The following SNX3 variants were observed in gnomAD, a reference collection of about 807,000 sequenced individuals.
SNX3 encodes the protein sorting nexin-3.
Under a neutral mutation model 17.7 loss-of-function variants are expected in SNX3, and 5 were observed. That is an observed-to-expected ratio of 0.28 (90% confidence interval 0.15 to 0.59). The LOEUF (loss-of-function observed/expected upper bound fraction) is 0.59, where lower values mean the gene tolerates loss of function less well. Ranked by LOEUF, SNX3 falls within the 20% of genes least tolerant of loss-of-function variation. The pLI is 0.88. For synonymous variants in SNX3, 91 were observed against 76.5 expected, an observed-to-expected ratio of 1.19 and a Z score of -0.99; for missense variants, 132 against 206.8, an observed-to-expected ratio of 0.64 and a Z score of 2.22.
intron 3 of SNX3, 31 bp from the exon 4 acceptor site, chr6:108,212,285 T>C (rs1163236254): frequency 2.8e-6 from 4 of 1,443,650 alleles, no homozygotes; most frequent in South Asian, 1.2e-5. Context: ...TTTAGTCCAA[T>C]ATTTTATACA....
At chr6:108,231,425 G>A (rs1221099860) in intron 1 of SNX3, among the ~76,000 whole-genome samples, 3 of 151,976 alleles carry the variant, frequency 2.0e-5, no homozygotes, top group East Asian at 1.9e-4. Context: ...TAGAAGAGTC[G>A]CCCCCTGTCT....
chr6:108,257,728 G>A (rs913489275), intron 1 of SNX3, among the ~76,000 whole-genome samples: 1 of 152,144 alleles, frequency 6.6e-6, no homozygotes, highest in Non-Finnish European at 1.5e-5. Context: ...CACTTTGGGA[G>A]GCCAAGGTAG....
chr6:108,213,077 A>G (rs917132714), intron 3 of SNX3, among the ~76,000 whole-genome samples: 10 of 151,104 alleles, frequency 6.6e-5, no homozygotes, highest in Non-Finnish European at 1.0e-4. Flanking sequence ...TAGTAGAGAC[A>G]GGGTTTCGCC....
intron 3 of SNX3, among the ~76,000 whole-genome samples, chr6:108,213,469 T>G (rs1048563046): frequency 6.6e-6 from 1 of 151,634 alleles, no homozygotes. Context: ...CTGGCCAACA[T>G]GGCGAAACCC....
chr6:108,220,262 C>T (rs1774714913), intron 2 of SNX3, among the ~76,000 whole-genome samples: 1 of 150,728 alleles, frequency 6.6e-6, no homozygotes, highest in African/African-American at 2.4e-5. Context: ...CTCATTCACT[C>T]GCCACATACT....
chr6:108,243,379 CA>C (rs1775580927), intron 1 of SNX3, among the ~76,000 whole-genome samples: 2 of 151,876 alleles, frequency 1.3e-5, no homozygotes, highest in African/African-American at 4.8e-5. Context: ...CAGTCCCAGA[CA>C]AAAAAACAAA....
intron 2 of SNX3, chr6:108,222,137 G>GAA: frequency 9.1e-7 from 1 of 1,099,328 alleles, no homozygotes; most frequent in South Asian, 1.5e-5. Context: ...GCTAGAAACA[G>GAA]AAAAAAAAAG....
At chr6:108,223,445 T>C (rs915775581) in intron 1 of SNX3, among the ~76,000 whole-genome samples, 3 of 151,408 alleles carry the variant, frequency 2.0e-5, no homozygotes, top group Middle Eastern at 3.4e-3. Flanking sequence ...GCCGAAATCA[T>C]GATGTTTTTA....
rs537451837 is a variant in SNX3 at position 108,225,238 on chromosome 6, C to T, written c.163-2193G>A. ...CGGAGTTTGCAGTGAGCCGAGATCG[C>T]GCCACTGCACTCCAGCCTGGGCGAC... On this transcript the variant is annotated intron_variant, in intron 1 of 3. Transcript: ENST00000230085. 7.8e-4 allele frequency among the ~76,000 whole-genome samples: 118 copies of T among 151,770 alleles called. 1 individual carries two copies. Among genetic ancestry groups the T allele is most frequent in the Non-Finnish European group, 1.4e-3 (95 of 67,938 alleles).
chr6:108,236,844 G>A (rs1775361106), intron 1 of SNX3, among the ~76,000 whole-genome samples: 1 of 152,166 alleles, frequency 6.6e-6, no homozygotes, highest in South Asian at 2.1e-4. Context: ...CAGTCAGAGT[G>A]ATTAGCTATA....
At chr6:108,245,719 T>A (rs987995336) in intron 1 of SNX3, among the ~76,000 whole-genome samples, 70 of 152,384 alleles carry the variant, frequency 4.6e-4, no homozygotes, top group African/African-American at 1.4e-3. Context: ...TGAGCTTTTT[T>A]AAAATTGTTT....
chr6:108,250,303 T>C (rs913548522), intron 1 of SNX3, among the ~76,000 whole-genome samples: 3 of 152,198 alleles, frequency 2.0e-5, no homozygotes, highest in African/African-American at 7.2e-5. Flanking sequence ...TGGCAAACCT[T>C]TTCTTAAAGG....
intron 2 of SNX3, among the ~76,000 whole-genome samples, chr6:108,222,682 AAAGG>A (rs1415719435): frequency 3.3e-5 from 5 of 152,314 alleles, no homozygotes; most frequent in Non-Finnish European, 7.3e-5. Context: ...ACGATGAGGG[AAAGG>A]AAGGAAGTAA....
At chr6:108,258,949 T>A (rs1016746097) in intron 1 of SNX3, among the ~76,000 whole-genome samples, 2 of 152,048 alleles carry the variant, frequency 1.3e-5, no homozygotes, top group African/African-American at 4.8e-5. Flanking sequence ...GTGGAGGAAG[T>A]GTAGGCAGGA....
intron 1 of SNX3, among the ~76,000 whole-genome samples, chr6:108,241,563 C>T (rs1006052134): frequency 6.6e-6 from 1 of 152,016 alleles, no homozygotes; most frequent in Non-Finnish European, 1.5e-5. Flanking sequence ...CATTTCTGAC[C>T]ACTGAGATAA....
intron 2 of SNX3, among the ~76,000 whole-genome samples, chr6:108,215,847 A>G (rs1774553813): frequency 1.3e-5 from 2 of 152,050 alleles, no homozygotes; most frequent in African/African-American, 2.4e-5. Context: ...TGGGATGATC[A>G]CTTGAGTCCA....
Position 108,219,986 on chromosome 6 carries a change from G to A in SNX3, c.258+2964C>T, listed in dbSNP as rs114975820. 5.5e-3 allele frequency among the ~76,000 whole-genome samples: 841 copies of A among 151,930 alleles called. 7 individuals carry two copies. Among genetic ancestry groups the A allele is most frequent in the African/African-American group, 0.02 (811 of 41,444 alleles). On this transcript the variant is annotated intron_variant, in intron 2 of 3. Transcript: ENST00000230085. Reference sequence around the variant, plus strand: ...GGCCTAGGCTACTATGTATATTTGTGACTTAATTTTTAAGAAAAAGTTAAA... The same window carrying A: ...GGCCTAGGCTACTATGTATATTTGTAACTTAATTTTTAAGAAAAAGTTAAA...
chr6:108,227,073 G>A (rs1774994986), intron 1 of SNX3, among the ~76,000 whole-genome samples: 1 of 152,166 alleles, frequency 6.6e-6, no homozygotes, highest in South Asian at 2.1e-4. Flanking sequence ...GTCCCCTGGA[G>A]AGTAGAATAA....
intron 1 of SNX3, chr6:108,252,255 G>A (rs1055761447): frequency 6.6e-6 from 1 of 152,666 alleles, no homozygotes; most frequent in Non-Finnish European, 1.5e-5. Flanking sequence ...AGAAGCCCCT[G>A]ACGAGAAACA....
Sources: gnomAD v4.1 joint callset for allele counts (sites outside exome capture counted in the v4.1 genomes callset) on GRCh38, gnomAD v4.1.1 for gene constraint, MANE v1.5 for transcripts, NCBI Gene and HGNC (gene_info 2026-07-23, HGNC 2026-07-21) for gene names.